The following SYNDIG1 variants were observed in gnomAD, a reference collection of about 807,000 sequenced individuals.
The protein encoded by SYNDIG1 is synapse differentiation-inducing gene protein 1.
In SYNDIG1, 9 loss-of-function variants were observed where a neutral mutation model predicts 19.4. The observed-to-expected ratio is 0.46, with a 90% CI of 0.28 to 0.81. SYNDIG1 has a LOEUF of 0.81. SYNDIG1 is among the 30% of genes least tolerant of loss of function. SYNDIG1 has a pLI of 0.12. For missense variants in SYNDIG1, 311 were observed against 343.3 expected, an observed-to-expected ratio of 0.91 and a Z score of 0.74; for synonymous variants, 141 against 145.9, an observed-to-expected ratio of 0.97 and a Z score of 0.24.
At chr20:24,600,155 A>G (rs1332369140) in intron 3 of SYNDIG1, among the ~76,000 whole-genome samples, 1 of 152,236 alleles carries the variant, frequency 6.6e-6, no homozygotes, top group Non-Finnish European at 1.5e-5. Context: ...CATATGTGAT[A>G]TATTATTATA....
intron 3 of SYNDIG1, among the ~76,000 whole-genome samples, chr20:24,630,645 C>G (rs903768114): frequency 6.6e-6 from 1 of 152,242 alleles, no homozygotes; most frequent in Non-Finnish European, 1.5e-5. Context: ...GAATCCCTTA[C>G]GTGGCTGCAG....
At chr20:24,510,343 C>A (rs1368930445) in intron 1 of SYNDIG1, among the ~76,000 whole-genome samples, 1 of 151,258 alleles carries the variant, frequency 6.6e-6, no homozygotes, top group East Asian at 1.9e-4. Context: ...CCAAGGCGGG[C>A]AGATCACCTG....
intron 1 of SYNDIG1, among the ~76,000 whole-genome samples, chr20:24,484,220 G>A (rs958860464): frequency 1.1e-4 from 16 of 152,118 alleles, no homozygotes; most frequent in Non-Finnish European, 4.4e-5. Context: ...TCGGCTGGGC[G>A]TGTTCAGCCC....
At chr20:24,575,300 T>G (rs1413974490) in intron 2 of SYNDIG1, among the ~76,000 whole-genome samples, 1 of 152,208 alleles carries the variant, frequency 6.6e-6, no homozygotes, top group Admixed American at 6.5e-5. Flanking sequence ...AAACAAAATT[T>G]AAAGAAATAG....
At chr20:24,583,711 T>G (rs1265492076) in intron 2 of SYNDIG1, among the ~76,000 whole-genome samples, 1 of 152,026 alleles carries the variant, frequency 6.6e-6, no homozygotes, top group Non-Finnish European at 1.5e-5. Flanking sequence ...GTGGGGAGGG[T>G]GGGGCAGTGG....
At chr20:24,599,813 A>G (rs1323809960) in intron 3 of SYNDIG1, among the ~76,000 whole-genome samples, 1 of 152,250 alleles carries the variant, frequency 6.6e-6, no homozygotes, top group Middle Eastern at 3.2e-3. Flanking sequence ...GGAAAGATAG[A>G]TAACAGAGAC....
chr20:24,481,870 A>G (rs988132589), intron 1 of SYNDIG1, among the ~76,000 whole-genome samples: 6 of 152,206 alleles, frequency 3.9e-5, no homozygotes, highest in Non-Finnish European at 7.3e-5. Context: ...TGATAAATAA[A>G]TATTCTAGAA....
intron 1 of SYNDIG1, among the ~76,000 whole-genome samples, chr20:24,527,671 G>A (rs2146593990): frequency 6.6e-6 from 1 of 152,226 alleles, no homozygotes; most frequent in Admixed American, 6.5e-5. Flanking sequence ...TCTTAGAGAT[G>A]TTTGTTTCTA....
intron 1 of SYNDIG1, among the ~76,000 whole-genome samples, chr20:24,471,704 A>C (rs1053564046): frequency 1.5e-4 from 23 of 152,094 alleles, no homozygotes; most frequent in African/African-American, 5.5e-4. Flanking sequence ...AGAGAATAGC[A>C]CTGAAGCTTT....
chr20:24,521,289 A>G (rs1165194625), intron 1 of SYNDIG1, among the ~76,000 whole-genome samples: 4 of 152,034 alleles, frequency 2.6e-5, no homozygotes, highest in Admixed American at 1.3e-4. Context: ...AGTGTCCCCA[A>G]ATCTGTGTTG....
intron 2 of SYNDIG1, among the ~76,000 whole-genome samples, chr20:24,564,228 G>C (rs915569086): frequency 3.3e-5 from 5 of 152,196 alleles, no homozygotes; most frequent in Non-Finnish European, 5.9e-5. Context: ...GGTGATGACA[G>C]TGTGTTGATT....
intron 1 of SYNDIG1, among the ~76,000 whole-genome samples, chr20:24,497,043 A>G (rs1031806873): frequency 3.3e-5 from 5 of 152,198 alleles, no homozygotes; most frequent in Non-Finnish European, 5.9e-5. Context: ...TTGCTAGCTC[A>G]TATCTATCTT....
rs79275417 is a variant in SYNDIG1, at chr20:24,561,638, C to A, written c.480+18061C>A. 2.9e-3 allele frequency among the ~76,000 whole-genome samples: 441 copies of A among 152,300 alleles called. 3 individuals are homozygous for A. Among genetic ancestry groups the A allele is most frequent in the Non-Finnish European group, 4.5e-3 (307 of 68,028 alleles). On this transcript the variant is annotated intron_variant, in intron 2 of 3. Coordinates refer to ENST00000376862, the MANE Select transcript of SYNDIG1 (RefSeq NM_024893.3). ...ATAAATAACACATTTTGATATATTG[C>A]TGGCTGCTGGTCAGTTTGAGAGCCT... is the stretch of plus-strand genomic sequence containing the variant.
chr20:24,662,345 C>T (rs569536994), intron 3 of SYNDIG1, among the ~76,000 whole-genome samples: 60 of 152,166 alleles, frequency 3.9e-4, no homozygotes, highest in Middle Eastern at 3.4e-3. Context: ...CATATCTTTG[C>T]AACTAGGGAA....
chr20:24,532,570 TC>T (rs149800988), intron 1 of SYNDIG1, among the ~76,000 whole-genome samples: 3,778 of 152,294 alleles, frequency 0.025, 144 homozygotes, highest in African/African-American at 0.084. Context: ...CAATTATACA[TC>T]CTTAAATTTG....
At chr20:24,623,597 G>A (rs2059072140) in intron 3 of SYNDIG1, among the ~76,000 whole-genome samples, 1 of 152,190 alleles carries the variant, frequency 6.6e-6, no homozygotes, top group Admixed American at 6.5e-5. Context: ...ATGTGTTCAA[G>A]TGAAAAACGA....
chr20:24,546,767 C>T (rs1337750782), intron 2 of SYNDIG1, among the ~76,000 whole-genome samples: 1 of 152,044 alleles, frequency 6.6e-6, no homozygotes, highest in Non-Finnish European at 1.5e-5. Context: ...GAGCCAAAAA[C>T]CATAGACTTT....
At chr20:24,616,643 C>T (rs956115297) in intron 3 of SYNDIG1, among the ~76,000 whole-genome samples, 8 of 152,210 alleles carry the variant, frequency 5.3e-5, no homozygotes, top group African/African-American at 1.2e-4. Context: ...CCCTGCAAGG[C>T]GGAGCAGAAA....
At chr20:24,560,899 G>A (rs944746156) in intron 2 of SYNDIG1, among the ~76,000 whole-genome samples, 3 of 150,982 alleles carry the variant, frequency 2.0e-5, no homozygotes, top group African/African-American at 7.3e-5. Flanking sequence ...TGTTGTTTTG[G>A]GTGTCTTGTT....
Sources: allele counts gnomAD v4.1 joint callset (sites outside exome capture counted in the v4.1 genomes callset), GRCh38; gene constraint gnomAD v4.1.1; transcripts MANE v1.5; gene names NCBI Gene and HGNC (gene_info 2026-07-23, HGNC 2026-07-21).